The following CNTNAP5 variants were observed in gnomAD, a reference collection of about 807,000 sequenced individuals.
CNTNAP5 encodes contactin-associated protein-like 5.
CNTNAP5 carries 72 observed loss-of-function variants against 150.2 expected under a neutral mutation model. The ratio of observed to expected loss-of-function variants is 0.48; its 90% CI spans 0.40 to 0.58. The LOEUF (loss-of-function observed/expected upper bound fraction) is 0.58. Among genes scored for constraint, CNTNAP5 ranks in the 20% least tolerant of loss-of-function variants. The pLI is 0.00. For missense variants in CNTNAP5, 1,636 were observed against 1,626.2 expected (o/e 1.01, Z -0.10); for synonymous variants, 672 against 619.8 (o/e 1.08, Z -1.25).
At chr2:124,903,194 A>G (rs1678451153) in intron 22 of CNTNAP5, 94 bp downstream of exon 22, 1 of 744,328 alleles carries the variant, frequency 1.3e-6, no homozygotes, top group African/African-American at 1.8e-5. Flanking sequence ...GGCTAATGTG[A>G]CTCAGTTTTT....
At chr2:124,082,219 G>A (rs13000814) in intron 1 of CNTNAP5, among the ~76,000 whole-genome samples, 42,424 of 151,630 alleles carry the variant, frequency 0.28, 6,336 homozygotes, top group Admixed American at 0.36. Flanking sequence ...CGTGGTGGCA[G>A]GCGCCTGTAG....
At chr2:124,571,535 T>TTTCTCTTTGTTTTC (rs1389117290) in intron 11 of CNTNAP5, among the ~76,000 whole-genome samples, 2 of 98,778 alleles carry the variant, frequency 2.0e-5, no homozygotes, top group African/African-American at 7.9e-5. Flanking sequence ...TTCTTTTTTT[T>TTTCTCTTTGTTTTC]TTTTTTTTTT....
intron 3 of CNTNAP5, among the ~76,000 whole-genome samples, chr2:124,382,799 C>T (rs970596743): frequency 6.6e-6 from 1 of 152,024 alleles, no homozygotes; most frequent in Non-Finnish European, 1.5e-5. Flanking sequence ...AGTTCTTGAT[C>T]GATTTTTAGA....
In CNTNAP5 at chr2:124,919,335, T is replaced by G. The variant is rs1465886434; in HGVS notation, c.*5047T>G. On this transcript the variant is annotated 3_prime_UTR_variant, in exon 24 of 24. Transcript: ENST00000682447. ...TTTATCTTATTTTGCACTAAGGTAC[T>G]CTGAGGAAGAACAGAAAAGCACATT... 6.6e-6 allele frequency among the ~76,000 whole-genome samples: 1 copy of G among 152,130 alleles called. No individual in the cohort carries two copies. Among genetic ancestry groups the G allele is most frequent in the East Asian group, 1.9e-4 (1 of 5,182 alleles).
intron 13 of CNTNAP5, among the ~76,000 whole-genome samples, chr2:124,729,235 A>G (rs928284380): frequency 5.9e-5 from 9 of 152,108 alleles, no homozygotes; most frequent in Admixed American, 4.6e-4. Context: ...AAATGATTCC[A>G]TGTATATGCA....
At chr2:124,765,564 G>A (rs1362115298) in intron 16 of CNTNAP5, among the ~76,000 whole-genome samples, 1 of 151,970 alleles carries the variant, frequency 6.6e-6, no homozygotes, top group Non-Finnish European at 1.5e-5. Context: ...TTTATTAAGT[G>A]GAAAGAGAGA....
intron 3 of CNTNAP5, among the ~76,000 whole-genome samples, chr2:124,349,295 T>C (rs1232070405): frequency 5.3e-5 from 8 of 152,298 alleles, no homozygotes; most frequent in African/African-American, 1.9e-4. Flanking sequence ...TATAGACAAT[T>C]GCAACATAAT....
rs757568661 is a variant in CNTNAP5, at chr2:124,609,863, A to G, written c.1819A>G (p.Ile607Val). 3 of 1,613,876 alleles carry G rather than the reference A, an allele frequency of 1.9e-6. No individual in the cohort carries two copies. Among genetic ancestry groups the G allele is most frequent in the East Asian group, 4.5e-5 (2 of 44,884 alleles). The change falls in exon 12 of 24, where the codon ATC (isoleucine) becomes GTC (valine). Residue 607 changes from isoleucine (I) to valine (V), a missense_variant. Physicochemically the swap from Ile to Val is conservative, Grantham distance 29 (BLOSUM62 3). Coordinates refer to ENST00000682447, the MANE Select transcript of CNTNAP5 (RefSeq NM_001367498.1). Reference sequence around the variant, plus strand: ...GGGGAATACAGCCGGCTTCTTCTACATCGACTCAGATGGCAGCGGCCCACT... The same window carrying G: ...GGGGAATACAGCCGGCTTCTTCTACGTCGACTCAGATGGCAGCGGCCCACT... Reference protein sequence around the residue: ...HQGNTAGFFYIDSDGSGPLGP... With the variant: ...HQGNTAGFFYVDSDGSGPLGP...
Position 124,325,323 on chromosome 2 carries a change from A to G in CNTNAP5, c.381+82930A>G, listed in dbSNP as rs113155927. ...GAGAAATACATGTGTTTTGTTTATA[A>G]GCCAACTACTTTACAATATTTTATT... On this transcript the variant is annotated intron_variant, in intron 3 of 23. Transcript: ENST00000682447. 3.7e-3 allele frequency among the ~76,000 whole-genome samples: 563 copies of G among 152,316 alleles called. 5 individuals are homozygous for G. The highest frequency in any genetic ancestry group is 0.013 in the African/African-American group (540 of 41,566).
At chr2:124,740,064 A>G (rs189802226) in intron 13 of CNTNAP5, among the ~76,000 whole-genome samples, 2 of 150,452 alleles carry the variant, frequency 1.3e-5, no homozygotes, top group East Asian at 3.9e-4. Context: ...CATTACATTT[A>G]ATTATATAAT....
chr2:124,350,473 C>T (rs187642792), intron 3 of CNTNAP5, among the ~76,000 whole-genome samples: 33 of 149,696 alleles, frequency 2.2e-4, no homozygotes, highest in African/African-American at 6.1e-4. Flanking sequence ...TTTAATCCTT[C>T]ATTTTCCATG....
intron 7 of CNTNAP5, among the ~76,000 whole-genome samples, chr2:124,502,666 T>A (rs1470126799): frequency 1.3e-5 from 2 of 152,228 alleles, no homozygotes; most frequent in Non-Finnish European, 2.9e-5. Flanking sequence ...AAGACAGCCC[T>A]ACCACAATGA....
intron 12 of CNTNAP5, among the ~76,000 whole-genome samples, chr2:124,635,968 A>G (rs996564566): frequency 1.3e-5 from 2 of 152,220 alleles, no homozygotes; most frequent in Non-Finnish European, 2.9e-5. Context: ...GACAATTTCA[A>G]CATGGGTTTT....
intron 3 of CNTNAP5, among the ~76,000 whole-genome samples, chr2:124,350,502 A>C (rs1689850989): frequency 6.6e-6 from 1 of 151,162 alleles, no homozygotes; most frequent in Non-Finnish European, 1.5e-5. Flanking sequence ...TTACGCCTTC[A>C]CATTCGTACT....
At chr2:124,489,649 A>G (rs1693972335) in intron 7 of CNTNAP5, among the ~76,000 whole-genome samples, 1 of 152,124 alleles carries the variant, frequency 6.6e-6, no homozygotes, top group East Asian at 1.9e-4. Flanking sequence ...TCCTAAAACA[A>G]AACTAAAATA....
At chr2:124,206,688 G>T (rs1044643412) in intron 1 of CNTNAP5, among the ~76,000 whole-genome samples, 3 of 152,172 alleles carry the variant, frequency 2.0e-5, no homozygotes, top group African/African-American at 7.2e-5. Flanking sequence ...GCACCTAGGA[G>T]CTTGAACCTA....
intron 1 of CNTNAP5, among the ~76,000 whole-genome samples, chr2:124,162,026 A>G (rs1275639076): frequency 1.3e-5 from 2 of 152,208 alleles, no homozygotes. Flanking sequence ...ATATGTGTGG[A>G]CATGATTGTG....
chr2:124,483,206 G>A (rs777768383), intron 7 of CNTNAP5, among the ~76,000 whole-genome samples: 7 of 152,312 alleles, frequency 4.6e-5, no homozygotes, highest in Middle Eastern at 3.4e-3. Context: ...GTTCTCAGAG[G>A]TAAAGCAGGG....
At chr2:124,706,371 G>T (rs1327129803) in intron 13 of CNTNAP5, among the ~76,000 whole-genome samples, 1 of 152,104 alleles carries the variant, frequency 6.6e-6, no homozygotes, top group African/African-American at 2.4e-5. Flanking sequence ...ACATTGATGT[G>T]AATTTCTGAT....
Sources: gnomAD v4.1 joint callset for allele counts (sites outside exome capture counted in the v4.1 genomes callset) on GRCh38, gnomAD v4.1.1 for gene constraint, MANE v1.5 for transcripts, NCBI Gene and HGNC (gene_info 2026-07-23, HGNC 2026-07-21) for gene names.